The following PCDH9 variants were observed in gnomAD, a reference collection of about 807,000 sequenced individuals.
PCDH9 encodes the protein protocadherin-9.
PCDH9 carries 24 observed loss-of-function variants against 70.6 expected under a neutral mutation model. The observed-to-expected ratio is 0.34, with a 90% CI of 0.25 to 0.48. PCDH9 has a LOEUF of 0.48. Ranked by LOEUF, PCDH9 falls within the 20% of genes least tolerant of loss-of-function variation. PCDH9 has a pLI of 0.99. For missense variants in PCDH9, 1,281 were observed against 1,503.6 expected, an observed-to-expected ratio of 0.85 and a Z score of 2.45; for synonymous variants, 562 against 558.5, an observed-to-expected ratio of 1.01 and a Z score of -0.09.
At chr13:66,690,949 G>A (rs2078475942) in intron 3 of PCDH9, among the ~76,000 whole-genome samples, 1 of 152,088 alleles carries the variant, frequency 6.6e-6, no homozygotes, top group Non-Finnish European at 1.5e-5. Flanking sequence ...TTGCACTAAA[G>A]TTTTAAATTA....
intron 4 of PCDH9, among the ~76,000 whole-genome samples, chr13:66,419,358 C>A (rs1388220162): frequency 6.6e-6 from 1 of 151,870 alleles, no homozygotes; most frequent in African/African-American, 2.4e-5. Flanking sequence ...TGGAGGATTC[C>A]CACGCAAGAT....
At chr13:66,848,831 G>A (rs2139447614) in intron 3 of PCDH9, among the ~76,000 whole-genome samples, 1 of 151,298 alleles carries the variant, frequency 6.6e-6, no homozygotes, top group East Asian at 2.0e-4. Flanking sequence ...GGGAGGCTGA[G>A]GCAGGAGAAT....
chr13:66,934,541 CAAAAA>C (rs553566707), intron 2 of PCDH9, among the ~76,000 whole-genome samples: 1 of 45,948 alleles, frequency 2.2e-5, no homozygotes, highest in Non-Finnish European at 4.7e-5. Flanking sequence ...AACTCAGTCC[CAAAAA>C]AAAAAAAAAA....
intron 2 of PCDH9, among the ~76,000 whole-genome samples, chr13:67,172,497 T>G (rs954752446): frequency 6.6e-6 from 1 of 152,156 alleles, no homozygotes; most frequent in Non-Finnish European, 1.5e-5. Flanking sequence ...TGACAGCTGC[T>G]GTTGGGACTA....
intron 2 of PCDH9, among the ~76,000 whole-genome samples, chr13:67,154,643 C>CAT (rs2087761915): frequency 8.7e-6 from 1 of 114,856 alleles, no homozygotes; most frequent in Admixed American, 8.2e-5. Flanking sequence ...CACACACACA[C>CAT]ACATACAAGA....
intron 4 of PCDH9, among the ~76,000 whole-genome samples, chr13:66,324,265 C>T (rs1955803971): frequency 6.6e-6 from 1 of 151,946 alleles, no homozygotes; most frequent in Non-Finnish European, 1.5e-5. Flanking sequence ...CTCCACTATC[C>T]TGCCATCTGC....
At chr13:66,957,511 T>A (rs1454617180) in intron 2 of PCDH9, among the ~76,000 whole-genome samples, 5 of 152,150 alleles carry the variant, frequency 3.3e-5, no homozygotes. Flanking sequence ...TGTTAAATAT[T>A]TTAGAAAAGT....
chr13:66,907,736 G>A (rs2082387851), intron 2 of PCDH9, among the ~76,000 whole-genome samples: 1 of 151,990 alleles, frequency 6.6e-6, no homozygotes, highest in Non-Finnish European at 1.5e-5. Context: ...TGCTAAATAG[G>A]GGGTTCTTTA....
chr13:66,555,061 T>A (rs375599987), intron 4 of PCDH9, among the ~76,000 whole-genome samples: 1 of 151,898 alleles, frequency 6.6e-6, no homozygotes, highest in Non-Finnish European at 1.5e-5. Flanking sequence ...CCCAGCTACT[T>A]GGGAGGCTGA....
intron 2 of PCDH9, among the ~76,000 whole-genome samples, chr13:67,194,194 T>C (rs1032980665): frequency 1.3e-5 from 2 of 152,132 alleles, no homozygotes; most frequent in African/African-American, 2.4e-5. Context: ...TTTCAAATAT[T>C]GACTTGTTGA....
At chr13:66,640,771 A>AC (rs2077698367) in intron 3 of PCDH9, among the ~76,000 whole-genome samples, 5 of 152,228 alleles carry the variant, frequency 3.3e-5, no homozygotes, top group Admixed American at 1.3e-4. Flanking sequence ...AGGTTGTTTA[A>AC]AAAATGCTCA....
intron 2 of PCDH9, among the ~76,000 whole-genome samples, chr13:67,174,250 A>T (rs2138456306): frequency 6.6e-6 from 1 of 151,810 alleles, no homozygotes; most frequent in South Asian, 2.1e-4. Flanking sequence ...AGATAGGCAG[A>T]CTATAGATAG....
In PCDH9 at chr13:66,562,710, G is replaced by C. The variant is rs9571600; in HGVS notation, c.3340+68500C>G. ...TTAGGGGAGCTGCAATTCAAGATGA[G>C]ATTTGGGTGGAGACACAGCCAAATG... On this transcript the variant is annotated intron_variant, in intron 4 of 4. Coordinates refer to ENST00000377865, the MANE Select transcript of PCDH9 (RefSeq NM_203487.3). 4.0e-3 allele frequency among the ~76,000 whole-genome samples: 606 copies of C among 152,262 alleles called. 16 individuals are homozygous for C. The East Asian group carries it at 0.042, about 11-fold the overall frequency.
intron 4 of PCDH9, among the ~76,000 whole-genome samples, chr13:66,309,386 C>A (rs1405900132): frequency 1.3e-5 from 2 of 151,926 alleles, no homozygotes; most frequent in Non-Finnish European, 2.9e-5. Flanking sequence ...AGTCCCTGCC[C>A]TATACATGTT....
chr13:66,586,399 T>G (rs17410188), intron 4 of PCDH9, among the ~76,000 whole-genome samples: 17,917 of 152,216 alleles, frequency 0.12, 1,237 homozygotes, highest in Middle Eastern at 0.22. Context: ...AAAGTAATGA[T>G]GTGACATTAT....
At chr13:66,341,412 A>T (rs1335008462) in intron 4 of PCDH9, among the ~76,000 whole-genome samples, 1 of 152,104 alleles carries the variant, frequency 6.6e-6, no homozygotes, top group Non-Finnish European at 1.5e-5. Context: ...TTAAAAGAAG[A>T]TACTTGCTTT....
At chr13:66,729,921 A>G (rs1486820361) in intron 3 of PCDH9, among the ~76,000 whole-genome samples, 1 of 152,202 alleles carries the variant, frequency 6.6e-6, no homozygotes, top group Non-Finnish European at 1.5e-5. Context: ...AATACTTGAG[A>G]GCAGAAAACC....
chr13:66,524,529 G>A lies in PCDH9; in HGVS notation c.3340+106681C>T, dbSNP rs142902855. Among the ~76,000 whole-genome samples the A allele has an allele frequency of 1.3e-4, 20 of 152,108 alleles. No individual in the cohort carries two copies. In the East Asian group the frequency reaches 3.9e-3, roughly 29 times the overall value. ...ACAAACCTGGCAAATTTCAAGACCT[G>A]TTTCAAACTCTCACTTTTTTCAGCT... On this transcript the variant is annotated intron_variant, in intron 4 of 4. Coordinates refer to ENST00000377865, the MANE Select transcript of PCDH9 (RefSeq NM_203487.3).
At chr13:67,210,046 C>T (rs1223949768) in intron 2 of PCDH9, 1 of 151,932 alleles carries the variant, frequency 6.6e-6, no homozygotes, top group East Asian at 1.9e-4. Context: ...CACATTATTG[C>T]AAAACTATGT....
Sources: gnomAD v4.1 joint callset for allele counts (sites outside exome capture counted in the v4.1 genomes callset) on GRCh38, gnomAD v4.1.1 for gene constraint, MANE v1.5 for transcripts, NCBI Gene and HGNC (gene_info 2026-07-23, HGNC 2026-07-21) for gene names.